The following SSH2 variants were observed in gnomAD, a reference collection of about 807,000 sequenced individuals.
The protein encoded by SSH2 is slingshot protein phosphatase 2.
Under a neutral mutation model 135.2 loss-of-function variants are expected in SSH2, and 37 were observed. The observed-to-expected ratio is 0.27, with a 90% CI of 0.21 to 0.36. SSH2 has a LOEUF of 0.36. Ranked by LOEUF, SSH2 falls within the 10% of genes least tolerant of loss-of-function variation. The pLI is 1.00. For missense variants in SSH2, 1,408 were observed against 1,765.3 expected (o/e 0.80, Z 3.63); for synonymous variants, 628 against 646.2 (o/e 0.97, Z 0.43).
intron 2 of SSH2, among the ~76,000 whole-genome samples, chr17:29,836,023 A>G (rs1049337400): frequency 1.3e-5 from 2 of 151,024 alleles, no homozygotes; most frequent in Non-Finnish European, 2.9e-5. Context: ...TATTATTATT[A>G]ATAATTTTAT....
intron 6 of SSH2, among the ~76,000 whole-genome samples, 198 bp downstream of exon 6, chr17:29,684,356 AATTCCAGCT>A (rs1185370133): frequency 6.6e-6 from 1 of 152,122 alleles, no homozygotes; most frequent in East Asian, 1.9e-4. Context: ...GTACACCTGT[AATTCCAGCT>A]ACTCAGGAGG....
intron 9 of SSH2, among the ~76,000 whole-genome samples, chr17:29,668,543 C>T (rs967950941): frequency 3.9e-5 from 6 of 151,964 alleles, no homozygotes; most frequent in African/African-American, 1.5e-4. Flanking sequence ...CTAGCCCAGG[C>T]AATTGGCAAA....
intron 3 of SSH2, among the ~76,000 whole-genome samples, chr17:29,728,925 C>T (rs1372521154): frequency 1.4e-4 from 21 of 152,142 alleles, no homozygotes; most frequent in Admixed American, 1.4e-3. Flanking sequence ...AAACCTAAGA[C>T]CTCAAACTAT....
chr17:29,751,492 T>A (rs186286572), intron 3 of SSH2, among the ~76,000 whole-genome samples: 2 of 152,214 alleles, frequency 1.3e-5, no homozygotes, highest in African/African-American at 4.8e-5. Flanking sequence ...AGTAAATACA[T>A]AAACCAGCAA....
At chr17:29,880,965 C>A (rs2066128070) in intron 1 of SSH2, among the ~76,000 whole-genome samples, 3 of 152,108 alleles carry the variant, frequency 2.0e-5, no homozygotes, top group Admixed American at 1.3e-4. Context: ...AACAGCATAT[C>A]CCACAACAAT....
Position 29,631,143 on chromosome 17 carries a change from C to T in SSH2, c.4051G>A (p.Val1351Ile). The change falls in exon 16 of 16, where the codon GTA becomes ATA. Residue 1351 changes from valine to isoleucine, a missense_variant. Around this residue, in one of 3 missense-constraint regions of SSH2, gnomAD observed 1,080 missense variants for 1,144.5 expected, o/e 0.94. Coordinates refer to ENST00000540801, the MANE Select transcript of SSH2 (RefSeq NM_001282129.2). ...CACTCTGTTGTTGTGAGTTGTTCTA[C>T]AAAAGACTTGGTGGGCTCTGGGTTG... ...PHNPEPTKSF[V>I]EQLTTTECIV... 1 of 1,614,222 alleles carries T rather than the reference C, an allele frequency of 6.2e-7. No homozygotes were observed. Among genetic ancestry groups the T allele is most frequent in the Non-Finnish European group, 8.5e-7 (1 of 1,180,048 alleles).
At chr17:29,709,756 C>T (rs932464121) in intron 3 of SSH2, among the ~76,000 whole-genome samples, 7 of 152,070 alleles carry the variant, frequency 4.6e-5, no homozygotes, top group African/African-American at 1.4e-4. Context: ...TTTTCCCCAC[C>T]ACTTCCCCAA....
intron 3 of SSH2, among the ~76,000 whole-genome samples, chr17:29,786,090 C>G (rs779553730): frequency 1.1e-4 from 16 of 152,230 alleles, no homozygotes; most frequent in Non-Finnish European, 1.3e-4. Context: ...AGGCGTGAGC[C>G]GCCGCGCCCG....
intron 3 of SSH2, among the ~76,000 whole-genome samples, chr17:29,711,226 T>C (rs2039422226): frequency 6.6e-6 from 1 of 152,232 alleles, no homozygotes; most frequent in Non-Finnish European, 1.5e-5. Flanking sequence ...AGCACAACTA[T>C]ACTAGGATGC....
intron 1 of SSH2, among the ~76,000 whole-genome samples, chr17:29,878,341 C>T (rs1475871477): frequency 2.0e-5 from 3 of 151,968 alleles, no homozygotes; most frequent in South Asian, 2.1e-4. Flanking sequence ...GCAGGAGAAT[C>T]GCTTGAACCT....
At chr17:29,736,658 G>A (rs917673522) in intron 3 of SSH2, among the ~76,000 whole-genome samples, 4 of 150,952 alleles carry the variant, frequency 2.6e-5, no homozygotes, top group Admixed American at 6.6e-5. Flanking sequence ...ACGGTGGCAC[G>A]TGCCTACAGT....
chr17:29,714,458 C>T (rs980522444), intron 3 of SSH2, among the ~76,000 whole-genome samples: 2 of 152,258 alleles, frequency 1.3e-5, no homozygotes, highest in African/African-American at 4.8e-5. Context: ...TCTCTTTCAC[C>T]CTTGGCAATG....
intron 3 of SSH2, chr17:29,760,964 T>A: frequency 2.2e-6 from 1 of 451,234 alleles, no homozygotes; most frequent in Non-Finnish European, 3.7e-6. Context: ...ACTTTCCGCC[T>A]CCATGAATCC....
intron 8 of SSH2, among the ~76,000 whole-genome samples, chr17:29,672,632 G>T (rs775078999): frequency 2.0e-5 from 3 of 152,100 alleles, no homozygotes; most frequent in Non-Finnish European, 4.4e-5. Flanking sequence ...TTGATCTAAT[G>T]ATATTTATTA....
In SSH2 at chr17:29,751,426, G is replaced by GA. The variant is rs539545031; in HGVS notation, c.188+42467dup. On this transcript the variant is annotated intron_variant, in intron 3 of 15. Transcript: ENST00000540801. ...GCGTAACTCCTGTCTCAAAAAAAAA[G>GA]AAAAAAAAACAAAGAAAGAGAGTCC... Among the ~76,000 whole-genome samples, 836 of 147,868 alleles carry GA rather than the reference G, an allele frequency of 5.7e-3. 7 individuals carry two copies. Among genetic ancestry groups the GA allele is most frequent in the African/African-American group, 0.019 (771 of 40,188 alleles).
At chr17:29,898,931 A>G (rs2066494756) in intron 1 of SSH2, among the ~76,000 whole-genome samples, 1 of 152,188 alleles carries the variant, frequency 6.6e-6, no homozygotes, top group Non-Finnish European at 1.5e-5. Flanking sequence ...CTTATCCACC[A>G]TGATCAAGTG....
chr17:29,721,240 A>C (rs2039813749), intron 3 of SSH2, among the ~76,000 whole-genome samples: 1 of 152,218 alleles, frequency 6.6e-6, no homozygotes, highest in South Asian at 2.1e-4. Context: ...TCCAAGAGTA[A>C]ATTTAACTTT....
intron 1 of SSH2, among the ~76,000 whole-genome samples, chr17:29,905,828 C>T (rs1567644672): frequency 6.6e-6 from 1 of 152,148 alleles, no homozygotes; most frequent in South Asian, 2.1e-4. Context: ...ACCTCTGAGG[C>T]CCATAAAACC....
At chr17:29,662,798 A>G (rs948050030) in intron 11 of SSH2, among the ~76,000 whole-genome samples, 2 of 152,170 alleles carry the variant, frequency 1.3e-5, no homozygotes, top group Non-Finnish European at 2.9e-5. Flanking sequence ...TTTTTTTATG[A>G]AAAGGAAACA....
Sources: allele counts gnomAD v4.1 joint callset (sites outside exome capture counted in the v4.1 genomes callset), GRCh38; gene constraint gnomAD v4.1.1; regional missense constraint gnomAD v4.1.1; transcripts MANE v1.5; gene names NCBI Gene and HGNC (gene_info 2026-07-23, HGNC 2026-07-21).